Variants in TMEM168 observed in about 807,000 individuals in gnomAD.
TMEM168 encodes transmembrane protein 168.
In TMEM168, 40 loss-of-function variants were observed where a neutral mutation model predicts 53.2. The observed-to-expected ratio is 0.75, with a 90% CI of 0.58 to 0.98. The LOEUF (loss-of-function observed/expected upper bound fraction) is 0.98, where lower values mean the gene tolerates loss of function less well. Ranked by LOEUF, TMEM168 falls within the 50% of genes least tolerant of loss-of-function variation. TMEM168 has a pLI of 0.00. For missense variants in TMEM168, 771 were observed against 828.8 expected (o/e 0.93, Z 0.86); for synonymous variants, 282 against 293.0 (o/e 0.96, Z 0.38).
intron 2 of TMEM168, among the ~76,000 whole-genome samples, chr7:112,780,231 T>C (rs1793192620): frequency 6.6e-6 from 1 of 152,234 alleles, no homozygotes; most frequent in Admixed American, 6.5e-5. Context: ...ATTTCTGGAA[T>C]ATATACAGAG....
intron 2 of TMEM168, among the ~76,000 whole-genome samples, chr7:112,781,834 A>C (rs570677529): frequency 6.6e-6 from 1 of 152,170 alleles, no homozygotes; most frequent in Non-Finnish European, 1.5e-5. Context: ...GAATTCTTAG[A>C]TAAGATACTA....
At chr7:112,777,249 T>G (rs1315407274) in intron 2 of TMEM168, among the ~76,000 whole-genome samples, 1 of 152,202 alleles carries the variant, frequency 6.6e-6, no homozygotes, top group Non-Finnish European at 1.5e-5. Flanking sequence ...GGCTTTATTG[T>G]TTTGCCTTTA....
rs1793042020 is a variant in TMEM168, at chr7:112,775,158, T to C, written c.1271+18A>G. 6.3e-7 allele frequency: 1 copy of C among 1,582,704 alleles called. No individual in the cohort carries two copies. Among genetic ancestry groups the C allele is most frequent in the Admixed American group, 1.8e-5 (1 of 54,934 alleles). On this transcript the variant is annotated intron_variant, in intron 3 of 4. Transcript: ENST00000312814. ...TATGAAGTGAATAGTTATCACTAAC[T>C]ATACTAGATTACTGTACCTGCAGAA...
rs1792705096 is a variant in TMEM168, at chr7:112,763,526, C to T, written c.*3671G>A. 1.3e-5 allele frequency: 2 copies of T among 152,106 alleles called. No individual in the cohort carries two copies. Among genetic ancestry groups the T allele is most frequent in the African/African-American group, 4.8e-5 (2 of 41,430 alleles). The allele number at this position is 152,106 out of a possible 1,614,324, so 9.4% of individuals were successfully genotyped here. A position where few individuals can be genotyped will look rare whatever the true frequency, so the allele number is the denominator to read the frequency against. Reference sequence around the variant, plus strand: ...GGTGACAGTCTAATAGTTTCCAATACAGGAGACATTCGAAAGTACTGACAG... The same window carrying T: ...GGTGACAGTCTAATAGTTTCCAATATAGGAGACATTCGAAAGTACTGACAG... On this transcript the variant is annotated 3_prime_UTR_variant, in exon 5 of 5. Coordinates refer to ENST00000312814, the MANE Select transcript of TMEM168 (RefSeq NM_022484.6).
chr7:112,775,031 G>T, intron 3 of TMEM168, 145 bp downstream of exon 3: 1 of 568,806 alleles, frequency 1.8e-6, no homozygotes, highest in South Asian at 5.6e-5. Context: ...TTATCACTTG[G>T]AATAAAGTTT....
intron 2 of TMEM168, 72 bp downstream of exon 2, chr7:112,783,626 C>A: frequency 7.4e-7 from 1 of 1,349,506 alleles, no homozygotes. Flanking sequence ...GACCTTATAA[C>A]TTTAATTTCA....
At position 112,783,729 on chromosome 7, in the gene TMEM168, G is replaced by C; in HGVS notation, c.1097C>G (p.Ala366Gly). Residue 366 changes from alanine to glycine, a missense_variant, in exon 2 of 5, where the codon GCA becomes GGA. Physicochemically the swap from Ala to Gly is moderately conservative, Grantham distance 60 (BLOSUM62 0). Coordinates refer to ENST00000312814, the MANE Select transcript of TMEM168 (RefSeq NM_022484.6). Reference protein sequence around the residue: ...SEQLVFFSLLATAILGAVSWQ... With the variant: ...SEQLVFFSLLGTAILGAVSWQ... ...GGAAACTGCTCCCAAAATCGCTGTT[G>C]CAAGAAGACTAAAGAACACCAACTG... 1 of 1,524,942 alleles carries C rather than the reference G, an allele frequency of 6.6e-7. No homozygotes were observed. Among genetic ancestry groups the C allele is most frequent in the Non-Finnish European group, 8.8e-7 (1 of 1,138,734 alleles). The allele number at this position is 1,524,942 out of a possible 1,614,324, so 94.5% of individuals were successfully genotyped here.
At chr7:112,785,103 T>G in intron 1 of TMEM168, 150 bp from the exon 2 acceptor site, 1 of 265,000 alleles carries the variant, frequency 3.8e-6, no homozygotes, top group Non-Finnish European at 7.0e-6. Context: ...GAATACTGTT[T>G]CTGGCTTAAA....
At position 112,783,876 on chromosome 7, in the gene TMEM168, CA is replaced by C; in HGVS notation, c.949del (p.Trp317GlyfsTer7). On this transcript the variant is annotated frameshift_variant, in exon 2 of 5. Transcript: ENST00000312814. LOFTEE classifies it high-confidence loss of function. ...ICHIIFLLTL[W>X]GFHTKLNDCH... is the part of the protein sequence containing the mutation. ...GTCATTTAATTTGGTATGGAATCCC[CA>C]AAGAGTTAAAAGAAAAATAATATGA... is the stretch of plus-strand genomic sequence containing the variant. 2 of 1,600,956 alleles carry C rather than the reference CA, an allele frequency of 1.2e-6. No individual in the cohort carries two copies. The highest frequency in any genetic ancestry group is 1.7e-6 in the Non-Finnish European group (2 of 1,176,280).
intron 4 of TMEM168, 46 bp downstream of exon 4, chr7:112,772,735 T>C: frequency 6.3e-7 from 1 of 1,579,074 alleles, no homozygotes; most frequent in Non-Finnish European, 8.6e-7. Context: ...TTTCTACATA[T>C]ACATGTGTAT....
chr7:112,777,886 CTGTGTGTGTGTGTGTGTG>C (rs71155068), intron 2 of TMEM168, among the ~76,000 whole-genome samples: 2,708 of 126,116 alleles, frequency 0.021, 69 homozygotes, highest in East Asian at 0.079. Context: ...GCTCTTGGTG[CTGTGTGTGTGTGTGTGTG>C]TGTGTGTGTG....
chr7:112,767,160 T>C lies in TMEM168; in HGVS notation c.*37A>G. On this transcript the variant is annotated 3_prime_UTR_variant, in exon 5 of 5. Coordinates refer to ENST00000312814, the MANE Select transcript of TMEM168 (RefSeq NM_022484.6). Reference sequence around the variant, plus strand: ...ATGGCAAGTTAGTGATAATTGGTAGTATGAGTGCTTATTAATATCCCGCTT... The same window carrying C: ...ATGGCAAGTTAGTGATAATTGGTAGCATGAGTGCTTATTAATATCCCGCTT... The C allele has an allele frequency of 6.4e-7, 1 of 1,565,594 alleles. No individual in the cohort carries two copies. The highest frequency in any genetic ancestry group is 1.2e-5 in the South Asian group (1 of 82,438).
Position 112,783,826 on chromosome 7 carries a change from T to G in TMEM168, c.1000A>C (p.Arg334=). The G allele has an allele frequency of 6.2e-7, 1 of 1,607,954 alleles. No individual in the cohort carries two copies. The highest frequency in any genetic ancestry group is 1.3e-5 in the African/African-American group (1 of 74,780). ...NDCHKVYFTH[R]TDYNSLDRIM... ...CTATCAAGGCTATTGTAATCTGTCC[T>G]GTGAGTAAAATATACTTTATGGCAG... is the stretch of plus-strand genomic sequence containing the variant. Residue 334 remains arginine (R), a synonymous_variant, in exon 2 of 5, where the codon AGG becomes CGG. Transcript: ENST00000312814.
intron 4 of TMEM168, among the ~76,000 whole-genome samples, chr7:112,770,571 TGAATGAAAA>T (rs1792904040): frequency 1.3e-5 from 2 of 151,554 alleles, no homozygotes; most frequent in African/African-American, 4.9e-5. Flanking sequence ...TTCCTAACAG[TGAATGAAAA>T]TTTAGAAAAA....
chr7:112,781,599 C>T (rs781682642), intron 2 of TMEM168, among the ~76,000 whole-genome samples: 2 of 151,816 alleles, frequency 1.3e-5, no homozygotes, highest in South Asian at 4.1e-4. Context: ...TACAACCTTA[C>T]GTTTATGTTT....
chr7:112,784,906 A>T lies in TMEM168; in HGVS notation c.-81T>A. The T allele has an allele frequency of 8.1e-7, 1 of 1,241,026 alleles. No homozygotes were observed. The highest frequency in any genetic ancestry group is 1.1e-6 in the Non-Finnish European group (1 of 941,878). The allele number at this position is 1,241,026 out of a possible 1,614,324, so 76.9% of individuals were successfully genotyped here. A position where few individuals can be genotyped will look rare whatever the true frequency, so the allele number is the denominator to read the frequency against. ...CATCCAGTATATCCAATGTATCCGC[A>T]ACTCCTATTTCAACATTTTCTCTTG... On this transcript the variant is annotated 5_prime_UTR_variant, in exon 2 of 5. Coordinates refer to ENST00000312814, the MANE Select transcript of TMEM168 (RefSeq NM_022484.6).
At chr7:112,774,663 C>T (rs1793025508) in intron 3 of TMEM168, among the ~76,000 whole-genome samples, 1 of 151,852 alleles carries the variant, frequency 6.6e-6, no homozygotes, top group South Asian at 2.1e-4. Flanking sequence ...TCACTGCAAC[C>T]TCCGCCTCCC....
At position 112,784,145 on chromosome 7, in the gene TMEM168, C is replaced by G. The variant is rs530863309; in HGVS notation, c.681G>C (p.Ala227=). 3 of 1,613,656 alleles carry G rather than the reference C, an allele frequency of 1.9e-6. No homozygotes were observed. The highest frequency in any genetic ancestry group is 2.5e-6 in the Non-Finnish European group (3 of 1,179,960). ...LETPKNPIAF[A]CFFICLITDP... is the part of the protein sequence containing the mutation. ...CAGTTATCAGGCAAATAAAAAAACACGCAAAAGCAATCGGATTTTTGGGAG... is the reference window on the plus strand; with the variant it reads ...CAGTTATCAGGCAAATAAAAAAACAGGCAAAAGCAATCGGATTTTTGGGAG... The change falls in exon 2 of 5, where the codon GCG becomes GCC. Residue 227 remains alanine, a synonymous_variant. Transcript: ENST00000312814.
chr7:112,767,574 T>G lies in TMEM168; in HGVS notation c.1717A>C (p.Lys573Gln). 6.2e-7 allele frequency: 1 copy of G among 1,614,198 alleles called. No individual in the cohort carries two copies. Among genetic ancestry groups the G allele is most frequent in the South Asian group, 1.1e-5 (1 of 91,090 alleles). Residue 573 changes from lysine to glutamine, a missense_variant, in exon 5 of 5, where the codon AAA becomes CAA. Physicochemically the swap from Lys to Gln is moderately conservative, Grantham distance 53. Coordinates refer to ENST00000312814, the MANE Select transcript of TMEM168 (RefSeq NM_022484.6). ...YIAVQGAELI[K>Q]TVDIEEADPP... ...TCAGCTTCTTCAATATCTACTGTTTTTATCAACTCTGCTCCTTGCACTGCA... is the reference window on the plus strand; with the variant it reads ...TCAGCTTCTTCAATATCTACTGTTTGTATCAACTCTGCTCCTTGCACTGCA...
Sources: gnomAD v4.1 joint callset for allele counts (sites outside exome capture counted in the v4.1 genomes callset) on GRCh38, gnomAD v4.1.1 for gene constraint, MANE v1.5 for transcripts, NCBI Gene and HGNC (gene_info 2026-07-23, HGNC 2026-07-21) for gene names.